RIN2: variants seen among roughly 807,000 people sequenced by gnomAD.
RIN2 encodes Ras and Rab interactor 2.
RIN2 carries 36 observed loss-of-function variants against 78.0 expected under a neutral mutation model. The observed-to-expected ratio is 0.46, with a 90% CI of 0.35 to 0.61. The LOEUF is 0.61. RIN2 is among the 20% of genes least tolerant of loss of function. RIN2 has a pLI of 0.00. For missense variants in RIN2, 1,087 were observed against 1,159.7 expected, an observed-to-expected ratio of 0.94 and a Z score of 0.91; for synonymous variants, 466 against 466.8, an observed-to-expected ratio of 1.00 and a Z score of 0.02.
intron 2 of RIN2, among the ~76,000 whole-genome samples, chr20:19,875,326 T>C (rs1490809404): frequency 2.0e-5 from 3 of 152,024 alleles, no homozygotes; most frequent in Non-Finnish European, 4.4e-5. Context: ...GCCCGGCTAA[T>C]TTTTGTATTT....
chr20:19,773,057 G>A (rs62200327), intron 1 of RIN2, among the ~76,000 whole-genome samples: 11,151 of 152,248 alleles, frequency 0.073, 412 homozygotes, highest in South Asian at 0.12. Context: ...TCAAGGTGTT[G>A]GCAGGGCTGT....
At chr20:19,996,175 G>A (rs1433287382) in intron 11 of RIN2, among the ~76,000 whole-genome samples, 14 of 152,132 alleles carry the variant, frequency 9.2e-5, no homozygotes, top group Admixed American at 7.9e-4. Flanking sequence ...TTAGCCAGGC[G>A]TGGTGGTGCA....
intron 4 of RIN2, among the ~76,000 whole-genome samples, chr20:19,937,402 G>A (rs747414969): frequency 6.6e-5 from 10 of 152,210 alleles, no homozygotes; most frequent in Non-Finnish European, 1.2e-4. Context: ...ATGCACCGCC[G>A]TCAGCTTCCT....
At chr20:19,952,300 C>T (rs541262046) in intron 4 of RIN2, among the ~76,000 whole-genome samples, 50 of 152,324 alleles carry the variant, frequency 3.3e-4, no homozygotes, top group African/African-American at 1.2e-3. Context: ...GAGCTTTCCA[C>T]AGCCAACACT....
Position 19,956,810 on chromosome 20 carries a change from A to G in RIN2, c.351+3A>G, listed in dbSNP as rs999121395. 6.4e-7 allele frequency: 1 copy of G among 1,564,994 alleles called. No individual in the cohort carries two copies. Among genetic ancestry groups the G allele is most frequent in the Non-Finnish European group, 8.7e-7 (1 of 1,152,348 alleles). On this transcript the variant is annotated splice_donor_region_variant and intron_variant, in intron 5 of 12. Transcript: ENST00000255006. ...TCCTGCAGGCCCAGCCTCCGGGGGTAAGACTCAGAACCTCGGGAAGCAGGT... is the reference window on the plus strand; with the variant it reads ...TCCTGCAGGCCCAGCCTCCGGGGGTGAGACTCAGAACCTCGGGAAGCAGGT...
rs1200869804 is a variant in RIN2, at chr20:19,889,323, A to G, written c.-36-243A>G. Reference sequence around the variant, plus strand: ...TAATCATTAGGCTTCCTGAAGTCCCAAGGACCTTCTACGTCAGTGGCAGAG... The same window carrying G: ...TAATCATTAGGCTTCCTGAAGTCCCGAGGACCTTCTACGTCAGTGGCAGAG... On this transcript the variant is annotated intron_variant, in intron 2 of 12. Coordinates refer to ENST00000255006, the MANE Select transcript of RIN2 (RefSeq NM_018993.4). 3 of 1,219,554 alleles carry G rather than the reference A, an allele frequency of 2.5e-6. No homozygotes were observed. In the East Asian group the frequency reaches 1.1e-4, roughly 44 times the overall value. 75.5% of individuals were successfully genotyped at this position (1,219,554 alleles called of 1,614,324 possible).
chr20:19,919,827 A>C (rs141431911), intron 3 of RIN2, among the ~76,000 whole-genome samples: 1 of 152,264 alleles, frequency 6.6e-6, no homozygotes, highest in East Asian at 1.9e-4. Flanking sequence ...TAAAAATGTG[A>C]AAGTGCACAT....
chr20:19,824,442 A>T (rs1368029301), intron 2 of RIN2, among the ~76,000 whole-genome samples: 1 of 152,194 alleles, frequency 6.6e-6, no homozygotes, highest in Admixed American at 6.5e-5. Context: ...TTCTGTGGGT[A>T]AGGCAAAAAT....
intron 2 of RIN2, among the ~76,000 whole-genome samples, chr20:19,829,653 T>C (rs1202612241): frequency 6.6e-6 from 1 of 152,192 alleles, no homozygotes; most frequent in African/African-American, 2.4e-5. Context: ...GGAGGGGTAC[T>C]GAGGAACAGA....
At chr20:19,934,312 C>T (rs1440032147) in intron 3 of RIN2, among the ~76,000 whole-genome samples, 2 of 152,148 alleles carry the variant, frequency 1.3e-5, no homozygotes, top group Non-Finnish European at 2.9e-5. Flanking sequence ...CAGAGTGGCA[C>T]CCTTGAGAAC....
chr20:19,762,250 T>G (rs1240376828), intron 1 of RIN2, among the ~76,000 whole-genome samples: 1 of 152,196 alleles, frequency 6.6e-6, no homozygotes, highest in Admixed American at 6.5e-5. Flanking sequence ...AATCTACTGT[T>G]AGAGCACCTT....
chr20:19,825,706 G>A (rs1345557638), intron 2 of RIN2, among the ~76,000 whole-genome samples: 1 of 152,214 alleles, frequency 6.6e-6, no homozygotes, highest in Non-Finnish European at 1.5e-5. Flanking sequence ...AGGGATTTGG[G>A]CAACTCTGTC....
At chr20:19,827,687 G>A (rs1168972505) in intron 2 of RIN2, among the ~76,000 whole-genome samples, 2 of 152,114 alleles carry the variant, frequency 1.3e-5, no homozygotes, top group Admixed American at 1.3e-4. Context: ...ATTGACTTCA[G>A]GATCCAGTCC....
intron 11 of RIN2, among the ~76,000 whole-genome samples, chr20:19,994,918 A>G (rs1187140769): frequency 6.6e-6 from 1 of 152,196 alleles, no homozygotes; most frequent in Non-Finnish European, 1.5e-5. Context: ...AAAGCTTGAC[A>G]TGTGATCAAT....
intron 7 of RIN2, 113 bp from the exon 8 acceptor site, chr20:19,970,725 C>A: frequency 1.2e-6 from 1 of 813,702 alleles, no homozygotes. Flanking sequence ...GGTATGGTGT[C>A]TACTTAGGAC....
At chr20:19,791,543 C>A (rs1471751285) in intron 1 of RIN2, among the ~76,000 whole-genome samples, 5 of 152,136 alleles carry the variant, frequency 3.3e-5, no homozygotes, top group African/African-American at 1.2e-4. Context: ...ATTACAGTAA[C>A]ATGACTTCTC....
intron 3 of RIN2, among the ~76,000 whole-genome samples, chr20:19,904,261 A>G (rs2039122293): frequency 6.8e-6 from 1 of 147,388 alleles, no homozygotes; most frequent in Admixed American, 6.8e-5. Flanking sequence ...ATATATATAT[A>G]AAATATATAT....
chr20:19,901,495 T>G (rs2038980530), intron 3 of RIN2, among the ~76,000 whole-genome samples: 1 of 152,124 alleles, frequency 6.6e-6, no homozygotes, highest in Non-Finnish European at 1.5e-5. Flanking sequence ...ATCAGTGTGC[T>G]ACGATTGAGG....
At chr20:19,932,738 C>T (rs946216441) in intron 3 of RIN2, among the ~76,000 whole-genome samples, 1 of 152,144 alleles carries the variant, frequency 6.6e-6, no homozygotes, top group African/African-American at 2.4e-5. Context: ...GAATGCCAGC[C>T]ACACATGCCA....
Sources: allele counts gnomAD v4.1 joint callset (sites outside exome capture counted in the v4.1 genomes callset), GRCh38; gene constraint gnomAD v4.1.1; transcripts MANE v1.5; gene names NCBI Gene and HGNC (gene_info 2026-07-23, HGNC 2026-07-21).